Variants in MPC2 observed in about 807,000 individuals in gnomAD.
MPC2 encodes the protein mitochondrial pyruvate carrier 2, also known as brain protein 44.
In MPC2, 19 loss-of-function variants were observed where a neutral mutation model predicts 19.2. The ratio of observed to expected loss-of-function variants is 0.99; its 90% CI spans 0.69 to 1.45. The LOEUF (loss-of-function observed/expected upper bound fraction) is 1.45. Ranked by LOEUF, MPC2 falls within the 40% of genes most tolerant of loss-of-function variation. The pLI, the probability that MPC2 is intolerant of heterozygous loss-of-function variation, is 0.00. For missense variants in MPC2, 122 were observed against 153.0 expected (o/e 0.80, Z 1.07); for synonymous variants, 61 against 54.3 (o/e 1.12, Z -0.54).
intron 2 of MPC2, among the ~76,000 whole-genome samples, chr1:167,932,808 CAAAAA>C (rs965449372): frequency 1.5e-4 from 8 of 54,964 alleles, no homozygotes; most frequent in Non-Finnish European, 2.1e-4. Context: ...GACTCTGTCT[CAAAAA>C]AAAAAAAAAA....
intron 2 of MPC2, among the ~76,000 whole-genome samples, chr1:167,928,895 A>G (rs1357936705): frequency 1.3e-5 from 2 of 152,238 alleles, no homozygotes; most frequent in East Asian, 3.8e-4. Flanking sequence ...CTCATAAGAC[A>G]TTAATTTATA....
chr1:167,918,994 A>C (rs950159596), intron 5 of MPC2, among the ~76,000 whole-genome samples: 6 of 152,240 alleles, frequency 3.9e-5, no homozygotes, highest in Admixed American at 3.9e-4. Flanking sequence ...GAACGTGACA[A>C]ACTTGTGAAC....
At chr1:167,925,334 A>G (rs556936938) in intron 2 of MPC2, among the ~76,000 whole-genome samples, 1 of 151,230 alleles carries the variant, frequency 6.6e-6, no homozygotes, top group East Asian at 1.9e-4. Context: ...ATGTAGAATA[A>G]TAAATAAAAA....
intron 2 of MPC2, among the ~76,000 whole-genome samples, chr1:167,933,559 T>A (rs998164351): frequency 6.6e-6 from 1 of 152,252 alleles, no homozygotes; most frequent in African/African-American, 2.4e-5. Flanking sequence ...GATTTCCAAC[T>A]GTTAATATTG....
At chr1:167,930,741 T>C (rs1670883829) in intron 2 of MPC2, among the ~76,000 whole-genome samples, 1 of 152,238 alleles carries the variant, frequency 6.6e-6, no homozygotes, top group Non-Finnish European at 1.5e-5. Flanking sequence ...CTCTTTCTAC[T>C]GTACCATACA....
In MPC2 at chr1:167,931,587, C is replaced by A. The variant is rs1012099869; in HGVS notation, c.109+4146G>T. Among the ~76,000 whole-genome samples, 3 of 151,824 alleles carry A rather than the reference C, an allele frequency of 2.0e-5. No individual in the cohort carries two copies. In the East Asian group the frequency reaches 5.8e-4, roughly 29 times the overall value. On this transcript the variant is annotated intron_variant, in intron 2 of 5. Coordinates refer to ENST00000271373, the MANE Select transcript of MPC2 (RefSeq NM_001143674.4). ...GACATATATTAATATCTTAGACTGG[C>A]ATTAAGATTCTTCACTGACAATCTG...
chr1:167,920,701 G>C, intron 3 of MPC2, 70 bp from the exon 4 acceptor site: 1 of 1,440,748 alleles, frequency 6.9e-7, no homozygotes, highest in Non-Finnish European at 9.4e-7. Context: ...TTTAAATCAA[G>C]CACAAGACAT....
Position 167,935,850 on chromosome 1 carries a change from A to G in MPC2, c.-9T>C. ...GCACCGGCGGCCGACATCGCCGCCGAGGGATCGTTGGCAGCCGGGTGGGAG... is the reference window on the plus strand; with the variant it reads ...GCACCGGCGGCCGACATCGCCGCCGGGGGATCGTTGGCAGCCGGGTGGGAG... On this transcript the variant is annotated 5_prime_UTR_variant, in exon 2 of 6. Transcript: ENST00000271373. 1 of 1,547,578 alleles carries G rather than the reference A, an allele frequency of 6.5e-7. No individual in the cohort carries two copies. Among genetic ancestry groups the G allele is most frequent in the South Asian group, 1.2e-5 (1 of 84,012 alleles).
At chr1:167,936,614 C>T (rs1480354476) in intron 1 of MPC2, 1 of 357,260 alleles carries the variant, frequency 2.8e-6, no homozygotes. Context: ...AGGGAGGAGT[C>T]GCCATCGCCT....
At chr1:167,930,050 A>G (rs913574063) in intron 2 of MPC2, among the ~76,000 whole-genome samples, 4 of 152,196 alleles carry the variant, frequency 2.6e-5, no homozygotes, top group Non-Finnish European at 4.4e-5. Context: ...CGGCCAAAAA[A>G]TCATTCATTT....
At chr1:167,928,820 A>C (rs981854548) in intron 2 of MPC2, among the ~76,000 whole-genome samples, 1 of 152,256 alleles carries the variant, frequency 6.6e-6, no homozygotes, top group Non-Finnish European at 1.5e-5. Context: ...ATCCATTATG[A>C]TAAATGAAAT....
At position 167,936,939 on chromosome 1, in the gene MPC2, C is replaced by T. The variant is rs904940635; in HGVS notation, c.-58G>A. ...GTCTCGGGGTGGCTCCTACCCACAC[C>T]TGTTGTGGGACGTGAGGAAAAGGTC... On this transcript the variant is annotated splice_region_variant and 5_prime_UTR_variant, in exon 1 of 6. Transcript: ENST00000271373. 3 of 1,609,660 alleles carry T rather than the reference C, an allele frequency of 1.9e-6. No individual in the cohort carries two copies. Among genetic ancestry groups the T allele is most frequent in the Non-Finnish European group, 2.5e-6 (3 of 1,178,756 alleles).
chr1:167,920,718 G>T, intron 3 of MPC2, 87 bp from the exon 4 acceptor site: 1 of 1,314,040 alleles, frequency 7.6e-7, no homozygotes, highest in Non-Finnish European at 1.0e-6. Flanking sequence ...ACATTTTTGA[G>T]ATTTCCGTAA....
chr1:167,925,450 TATATATATATATATATATATATATAC>T (rs1250373140), intron 2 of MPC2, among the ~76,000 whole-genome samples: 27 of 107,812 alleles, frequency 2.5e-4, no homozygotes, highest in Non-Finnish European at 3.5e-4. Context: ...CACATATATA[TATATATATATATATATATATATATAC>T]ATATACATAT....
At chr1:167,936,453 T>C in intron 1 of MPC2, 1 of 182,862 alleles carries the variant, frequency 5.5e-6, no homozygotes, top group South Asian at 1.0e-4. Flanking sequence ...TCTACTCGTC[T>C]TTTATCCCTA....
chr1:167,928,803 G>C (rs1670824952), intron 2 of MPC2, among the ~76,000 whole-genome samples: 1 of 152,124 alleles, frequency 6.6e-6, no homozygotes, highest in Non-Finnish European at 1.5e-5. Context: ...ACAGATACCT[G>C]GCTAACATCC....
At chr1:167,921,191 T>C (rs1244783503) in intron 3 of MPC2, among the ~76,000 whole-genome samples, 2 of 152,096 alleles carry the variant, frequency 1.3e-5, no homozygotes, top group Non-Finnish European at 2.9e-5. Flanking sequence ...AAAGTATAAA[T>C]ATCAGAAAAA....
intron 5 of MPC2, 113 bp from the exon 6 acceptor site, chr1:167,918,472 A>G (rs1182616385): frequency 2.3e-5 from 14 of 605,462 alleles, no homozygotes; most frequent in Admixed American, 1.3e-4. Flanking sequence ...AAGTAGCTAT[A>G]CAGTTGTAAA....
intron 2 of MPC2, among the ~76,000 whole-genome samples, chr1:167,925,442 C>CATATATATATATATATAT (rs369657697): frequency 2.8e-4 from 23 of 82,450 alleles, no homozygotes; most frequent in Non-Finnish European, 4.8e-4. Context: ...TACATATACA[C>CATATATATATATATATAT]ATATATATAT....
Sources: gnomAD v4.1 joint callset for allele counts (sites outside exome capture counted in the v4.1 genomes callset) on GRCh38, gnomAD v4.1.1 for gene constraint, MANE v1.5 for transcripts, NCBI Gene and HGNC (gene_info 2026-07-23, HGNC 2026-07-21) for gene names.